Variants in CSMD1 observed in about 807,000 individuals in gnomAD.
The protein encoded by CSMD1 is CUB and Sushi multiple domains 1.
A neutral mutation model predicts 417.5 loss-of-function variants in CSMD1; 213 were observed. The ratio of observed to expected loss-of-function variants is 0.51; its 90% CI spans 0.46 to 0.57. The LOEUF is 0.57. CSMD1 is among the 20% of genes least tolerant of loss of function. The pLI, the probability that CSMD1 is intolerant of heterozygous loss-of-function variation, is 0.00. For missense variants in CSMD1, 6,923 were observed against 4,529.7 expected (o/e 1.53, Z -15.17); for synonymous variants, 2,862 against 1,736.8 (o/e 1.65, Z -16.11).
At chr8:4,372,179 T>A (rs1802437111) in intron 3 of CSMD1, among the ~76,000 whole-genome samples, 1 of 152,010 alleles carries the variant, frequency 6.6e-6, no homozygotes, top group African/African-American at 2.4e-5. Flanking sequence ...AAAAGAGATA[T>A]TTTTTTGTCA....
chr8:4,530,507 C>G (rs1366381456), intron 2 of CSMD1, among the ~76,000 whole-genome samples: 1 of 150,968 alleles, frequency 6.6e-6, no homozygotes, highest in Non-Finnish European at 1.5e-5. Flanking sequence ...CCCCGACCCC[C>G]TGACAGGCCC....
chr8:3,513,336 A>T (rs1223857362), intron 10 of CSMD1, among the ~76,000 whole-genome samples: 3 of 146,886 alleles, frequency 2.0e-5, no homozygotes, highest in Non-Finnish European at 3.0e-5. Flanking sequence ...ACTTGCCCAC[A>T]GATTTTTTTT....
At chr8:2,940,026 G>A (rs1204521461) in intron 69 of CSMD1, among the ~76,000 whole-genome samples, 1 of 152,202 alleles carries the variant, frequency 6.6e-6, no homozygotes, top group African/African-American at 2.4e-5. Context: ...CTTGGGCTCT[G>A]AGGAAGCAAC....
intron 7 of CSMD1, among the ~76,000 whole-genome samples, chr8:3,617,404 A>T (rs1802194123): frequency 1.3e-5 from 2 of 152,220 alleles, no homozygotes; most frequent in African/African-American, 4.8e-5. Context: ...TTTATTGGAT[A>T]GAGTAGCTCT....
At chr8:3,525,078 A>C (rs896439820) in intron 10 of CSMD1, among the ~76,000 whole-genome samples, 8 of 152,194 alleles carry the variant, frequency 5.3e-5, no homozygotes, top group Non-Finnish European at 4.4e-5. Context: ...AAGCCAACTA[A>C]AGTGAATCTC....
intron 3 of CSMD1, among the ~76,000 whole-genome samples, chr8:4,218,155 C>T (rs935462814): frequency 1.3e-5 from 2 of 152,186 alleles, no homozygotes; most frequent in African/African-American, 2.4e-5. Context: ...ACATGCTGAA[C>T]GTTCTAGTAA....
At position 4,258,880 on chromosome 8, in the gene CSMD1, C is replaced by G. The variant is rs192085391; in HGVS notation, c.415+161073G>C. Among the ~76,000 whole-genome samples, 77 of 152,262 alleles carry G rather than the reference C, an allele frequency of 5.1e-4. No homozygotes were observed. The South Asian group carries it at 5.4e-3, about 11-fold the overall frequency. On this transcript the variant is annotated intron_variant, in intron 3 of 69. Coordinates refer to ENST00000635120, the MANE Select transcript of CSMD1 (RefSeq NM_033225.6). The stretch of plus-strand genomic sequence containing the variant: ...CTGCAAAAGTCTCATCTCTACCTGG[C>G]CGTGCCATGTGTTTTAAACTTTGCT...
At chr8:3,140,262 G>C (rs530761634) in intron 41 of CSMD1, among the ~76,000 whole-genome samples, 6 of 152,244 alleles carry the variant, frequency 3.9e-5, no homozygotes, top group South Asian at 2.1e-4. Flanking sequence ...AGAGAGCAGA[G>C]AATAGATGCA....
intron 3 of CSMD1, among the ~76,000 whole-genome samples, chr8:4,072,943 A>C (rs528772964): frequency 5.3e-5 from 8 of 152,188 alleles, no homozygotes; most frequent in African/African-American, 1.4e-4. Context: ...CATTCTTTCA[A>C]AAGTTTTTAA....
intron 5 of CSMD1, among the ~76,000 whole-genome samples, chr8:3,881,517 A>T (rs1806200153): frequency 6.6e-6 from 1 of 150,818 alleles, no homozygotes; most frequent in Non-Finnish European, 1.5e-5. Flanking sequence ...GGTGCCTGTA[A>T]TCTCAGCTAC....
intron 41 of CSMD1, among the ~76,000 whole-genome samples, chr8:3,136,396 T>G (rs1175032204): frequency 6.6e-6 from 1 of 151,804 alleles, no homozygotes; most frequent in Non-Finnish European, 1.5e-5. Context: ...TCCTGAGAAG[T>G]TGGGATCACA....
intron 2 of CSMD1, among the ~76,000 whole-genome samples, chr8:4,586,523 A>G (rs1585291047): frequency 6.6e-6 from 1 of 152,292 alleles, no homozygotes; most frequent in South Asian, 2.1e-4. Flanking sequence ...CAGCTTGGCA[A>G]TTTTCCAGGA....
chr8:3,572,345 T>C (rs1486349900), intron 10 of CSMD1, among the ~76,000 whole-genome samples: 1 of 152,110 alleles, frequency 6.6e-6, no homozygotes, highest in Non-Finnish European at 1.5e-5. Flanking sequence ...GCTCTGCCAC[T>C]GTGAAGCGGG....
chr8:3,387,440 G>C (rs1438225216), intron 18 of CSMD1, 54 bp downstream of exon 18: 3 of 1,457,816 alleles, frequency 2.1e-6, no homozygotes, highest in Non-Finnish European at 2.8e-6. Flanking sequence ...AGTTAGACGT[G>C]TGCGCTGTCT....
chr8:3,349,749 T>C (rs1312179366), intron 21 of CSMD1, among the ~76,000 whole-genome samples: 5 of 146,866 alleles, frequency 3.4e-5, no homozygotes, highest in Non-Finnish European at 7.5e-5. Flanking sequence ...AAATACTTTA[T>C]ATAGTTATAG....
At chr8:4,586,669 T>G (rs927381004) in intron 2 of CSMD1, among the ~76,000 whole-genome samples, 1 of 152,206 alleles carries the variant, frequency 6.6e-6, no homozygotes, top group Non-Finnish European at 1.5e-5. Context: ...CCCTTTTTGT[T>G]TTATTCACAT....
chr8:3,883,047 C>T (rs922385477), intron 5 of CSMD1, among the ~76,000 whole-genome samples: 1 of 152,160 alleles, frequency 6.6e-6, no homozygotes, highest in Admixed American at 6.6e-5. Flanking sequence ...CTGAACATAT[C>T]TAAGAGCCAC....
rs896672808 is a variant in CSMD1, at chr8:4,023,318, T to G, written c.610+8587A>C. ...TTTTGAATTTAACTTGAGCAAAGAG[T>G]ATTTCTGTTTGAGCCCATTAATACT... On this transcript the variant is annotated intron_variant, in intron 4 of 69. Transcript: ENST00000635120. Among the ~76,000 whole-genome samples the G allele has an allele frequency of 1.9e-4, 29 of 152,200 alleles. 1 individual carries two copies.
chr8:4,765,881 T>C lies in CSMD1; in HGVS notation c.86-128323A>G, dbSNP rs148186961. The stretch of plus-strand genomic sequence containing the variant: ...TTCTCTTGGCCCAGAAGCTAATCTG[T>C]TGATTTACAAACATTTATATCATTA... On this transcript the variant is annotated intron_variant, in intron 1 of 69. Coordinates refer to ENST00000635120, the MANE Select transcript of CSMD1 (RefSeq NM_033225.6). 2.6e-3 allele frequency among the ~76,000 whole-genome samples: 396 copies of C among 152,352 alleles called. 2 individuals carry two copies. The highest frequency in any genetic ancestry group is 0.01 in the Middle Eastern group (3 of 294).
Sources: gnomAD v4.1 joint callset for allele counts (sites outside exome capture counted in the v4.1 genomes callset) on GRCh38, gnomAD v4.1.1 for gene constraint, MANE v1.5 for transcripts, NCBI Gene and HGNC (gene_info 2026-07-23, HGNC 2026-07-21) for gene names.